PARD3B: variants seen among roughly 807,000 people sequenced by gnomAD.
PARD3B encodes the protein par-3 family cell polarity regulator beta.
PARD3B carries 103 observed loss-of-function variants against 130.2 expected under a neutral mutation model. The observed-to-expected ratio is 0.79, with a 90% CI of 0.67 to 0.93. The LOEUF (loss-of-function observed/expected upper bound fraction) is 0.93. Among genes scored for constraint, PARD3B ranks in the 40% least tolerant of loss-of-function variants. The pLI is 0.00. For synonymous variants in PARD3B, 583 were observed against 553.2 expected, an observed-to-expected ratio of 1.05 and a Z score of -0.76; for missense variants, 1,609 against 1,499.2, an observed-to-expected ratio of 1.07 and a Z score of -1.21.
intron 2 of PARD3B, among the ~76,000 whole-genome samples, chr2:204,736,990 C>G (rs1407865964): frequency 1.3e-5 from 2 of 152,136 alleles, no homozygotes; most frequent in African/African-American, 4.8e-5. Flanking sequence ...CCTTGTTGCC[C>G]AGGCTGGAGT....
At chr2:205,130,401 T>A (rs1344233964) in intron 10 of PARD3B, among the ~76,000 whole-genome samples, 1 of 152,206 alleles carries the variant, frequency 6.6e-6, no homozygotes, top group Admixed American at 6.5e-5. Flanking sequence ...ATGCTAAATG[T>A]CAGATAAAGC....
intron 1 of PARD3B, among the ~76,000 whole-genome samples, chr2:204,588,210 C>T (rs551373846): frequency 1.3e-5 from 2 of 152,264 alleles, no homozygotes; most frequent in East Asian, 1.9e-4. Flanking sequence ...CTTGCATTCT[C>T]TTGGTCATGT....
chr2:205,506,084 C>T (rs1226793973), intron 21 of PARD3B, among the ~76,000 whole-genome samples: 1 of 152,076 alleles, frequency 6.6e-6, no homozygotes, highest in African/African-American at 2.4e-5. Flanking sequence ...CCTGTAACCC[C>T]AGCACTTTGG....
intron 3 of PARD3B, among the ~76,000 whole-genome samples, chr2:205,000,531 A>G (rs961535372): frequency 1.3e-5 from 2 of 152,238 alleles, no homozygotes; most frequent in African/African-American, 2.4e-5. Context: ...CCCAATGAGA[A>G]TACAACCCTT....
intron 10 of PARD3B, among the ~76,000 whole-genome samples, chr2:205,156,714 TA>T (rs765283736): frequency 2.1e-4 from 32 of 152,284 alleles, no homozygotes; most frequent in South Asian, 4.1e-4. Context: ...TTGTGAAGCA[TA>T]AGTGTATTAA....
chr2:205,335,708 A>G (rs901711929), intron 18 of PARD3B, among the ~76,000 whole-genome samples: 6 of 152,286 alleles, frequency 3.9e-5, no homozygotes, highest in Admixed American at 1.3e-4. Flanking sequence ...CAATCATGGC[A>G]GAAGGCAAGG....
rs1281477406 is a variant in PARD3B, at chr2:205,055,422, T to C, written c.504+7732T>C. On this transcript the variant is annotated intron_variant, in intron 4 of 22. Coordinates refer to ENST00000406610, the MANE Select transcript of PARD3B (RefSeq NM_001302769.2). The stretch of plus-strand genomic sequence containing the variant: ...TACGACGTGTTTCTTGGCAAAGCAC[T>C]GATAAACATCTCAATCTCACTTTCA... Among the ~76,000 whole-genome samples the C allele has an allele frequency of 2.0e-5, 3 of 152,200 alleles. No individual in the cohort carries two copies. The East Asian group carries it at 5.8e-4, about 29-fold the overall frequency.
chr2:205,469,643 G>T (rs1422526831), intron 20 of PARD3B, among the ~76,000 whole-genome samples: 1 of 152,118 alleles, frequency 6.6e-6, no homozygotes, highest in Non-Finnish European at 1.5e-5. Flanking sequence ...GCTCTACTTG[G>T]CAATTACCTT....
chr2:205,384,030 T>C (rs1489355817), intron 18 of PARD3B, among the ~76,000 whole-genome samples: 1 of 152,094 alleles, frequency 6.6e-6, no homozygotes, highest in Non-Finnish European at 1.5e-5. Flanking sequence ...ACTATGTTTT[T>C]TATCTCCCCT....
chr2:205,117,696 A>G (rs539230516), intron 6 of PARD3B, among the ~76,000 whole-genome samples: 83 of 152,366 alleles, frequency 5.4e-4, no homozygotes, highest in African/African-American at 1.9e-3. Context: ...AAGCAAGAGT[A>G]TTGATAAAGT....
chr2:205,448,292 A>C (rs1219447472), intron 20 of PARD3B, among the ~76,000 whole-genome samples: 3 of 152,240 alleles, frequency 2.0e-5, no homozygotes, highest in African/African-American at 7.2e-5. Flanking sequence ...AAATCACAGA[A>C]GTCAGTGGGA....
intron 3 of PARD3B, among the ~76,000 whole-genome samples, chr2:205,006,854 C>T (rs1380437253): frequency 1.3e-5 from 2 of 152,046 alleles, no homozygotes; most frequent in African/African-American, 2.4e-5. Context: ...TTGTTACATT[C>T]GCTTTTGGGA....
At chr2:204,708,623 A>G (rs1181135727) in intron 2 of PARD3B, among the ~76,000 whole-genome samples, 1 of 152,226 alleles carries the variant, frequency 6.6e-6, no homozygotes, top group African/African-American at 2.4e-5. Flanking sequence ...TATTAGTCAC[A>G]TCAGATAATT....
chr2:205,379,971 G>A, intron 18 of PARD3B, among the ~76,000 whole-genome samples: 1 of 149,480 alleles, frequency 6.7e-6, no homozygotes, highest in African/African-American at 2.5e-5. Flanking sequence ...AGGAGGCAGA[G>A]GCAAGAGAAT....
At chr2:205,106,481 ATGTGTGTGTGTGTGTG>A (rs202186761) in intron 5 of PARD3B, among the ~76,000 whole-genome samples, 149 of 147,016 alleles carry the variant, frequency 1.0e-3, no homozygotes, top group African/African-American at 2.5e-3. Flanking sequence ...TAAGAAATGT[ATGTGTGTGTGTGTGTG>A]TGTGTGTGTG....
At chr2:205,082,060 C>G (rs1575730030) in intron 4 of PARD3B, among the ~76,000 whole-genome samples, 1 of 152,034 alleles carries the variant, frequency 6.6e-6, no homozygotes, top group East Asian at 1.9e-4. Context: ...CTATAGAGCC[C>G]TTTAAGTTCC....
chr2:204,935,077 C>G (rs1163101734), intron 2 of PARD3B, among the ~76,000 whole-genome samples: 3 of 151,634 alleles, frequency 2.0e-5, no homozygotes, highest in Non-Finnish European at 4.4e-5. Flanking sequence ...CTGTTAGTCA[C>G]TGTTATCCCA....
At chr2:204,977,922 G>C (rs1301470912) in intron 3 of PARD3B, among the ~76,000 whole-genome samples, 1 of 151,996 alleles carries the variant, frequency 6.6e-6, no homozygotes, top group Admixed American at 6.6e-5. Flanking sequence ...ATGTTGGGGA[G>C]AGGCCCTTAG....
Position 205,185,854 on chromosome 2 carries a change from A to G in PARD3B, c.2015A>G (p.Tyr672Cys). ...GCTCTGGGATTGGGCCTCGAAGATTACAGCCACAGGTATTGATAAAATGAT... is the reference window on the plus strand; with the variant it reads ...GCTCTGGGATTGGGCCTCGAAGATTGCAGCCACAGGTATTGATAAAATGAT... ...HSALGLGLED[Y>C]SHSSGVDSAV... Residue 672 changes from tyrosine to cysteine, a missense_variant, in exon 14 of 23, where the codon TAC becomes TGC. Coordinates refer to ENST00000406610, the MANE Select transcript of PARD3B (RefSeq NM_001302769.2). 6.2e-7 allele frequency: 1 copy of G among 1,612,360 alleles called. No homozygotes were observed. The highest frequency in any genetic ancestry group is 8.5e-7 in the Non-Finnish European group (1 of 1,178,354).
Sources: gnomAD v4.1 joint callset for allele counts (sites outside exome capture counted in the v4.1 genomes callset) on GRCh38, gnomAD v4.1.1 for gene constraint, MANE v1.5 for transcripts, NCBI Gene and HGNC (gene_info 2026-07-23, HGNC 2026-07-21) for gene names.